The following EXOC4 variants were observed in gnomAD, a reference collection of about 807,000 sequenced individuals.
EXOC4 encodes the protein SEC8-like 1.
A neutral mutation model predicts 107.2 loss-of-function variants in EXOC4; 71 were observed. The observed-to-expected ratio is 0.66, with a 90% CI of 0.55 to 0.81. The LOEUF (loss-of-function observed/expected upper bound fraction) is 0.81, where lower values mean the gene tolerates loss of function less well. EXOC4 is among the 30% of genes least tolerant of loss of function. The pLI, the probability that EXOC4 is intolerant of heterozygous loss-of-function variation, is 0.00. For synonymous variants in EXOC4, 456 were observed against 441.2 expected (o/e 1.03, Z -0.42); for missense variants, 1,108 against 1,189.6 (o/e 0.93, Z 1.01).
At chr7:133,358,274 G>T (rs1009758229) in intron 6 of EXOC4, among the ~76,000 whole-genome samples, 18 of 152,108 alleles carry the variant, frequency 1.2e-4, no homozygotes, top group Admixed American at 1.1e-3. Flanking sequence ...TTGGAGAACA[G>T]ACCTGACTTT....
intron 10 of EXOC4, among the ~76,000 whole-genome samples, chr7:133,769,004 G>GT (rs529709666): frequency 1.3e-5 from 2 of 151,966 alleles, no homozygotes; most frequent in Non-Finnish European, 2.9e-5. Context: ...CCTATGTGCC[G>GT]TTAACGTGCA....
chr7:133,300,047 T>C (rs1220112799), intron 3 of EXOC4, among the ~76,000 whole-genome samples: 1 of 152,160 alleles, frequency 6.6e-6, no homozygotes, highest in African/African-American at 2.4e-5. Context: ...AACATCCTTT[T>C]TTTAATGGTG....
rs376859558 is a variant in EXOC4 at position 134,014,355 on chromosome 7, A to G, written c.2687+6520A>G. Among the ~76,000 whole-genome samples the G allele has an allele frequency of 5.3e-4, 81 of 152,336 alleles. 1 individual carries two copies. The South Asian group carries it at 0.013, about 25-fold the overall frequency. ...GAGGCAGAGCTTGCAGTCAGCCGAG[A>G]TCGTGCCACTGCACTCCAGCCTGGG... On this transcript the variant is annotated intron_variant, in intron 17 of 17. Transcript: ENST00000253861.
chr7:133,908,766 T>C (rs966948620), intron 12 of EXOC4, among the ~76,000 whole-genome samples: 1 of 152,252 alleles, frequency 6.6e-6, no homozygotes, highest in African/African-American at 2.4e-5. Context: ...TGTTTTGTAT[T>C]ATTGACTTTT....
At chr7:133,705,873 C>A (rs777482356) in intron 10 of EXOC4, among the ~76,000 whole-genome samples, 1 of 152,148 alleles carries the variant, frequency 6.6e-6, no homozygotes, top group Non-Finnish European at 1.5e-5. Context: ...TTGTTTATTT[C>A]TGAAATTTTT....
In EXOC4 at chr7:133,903,609, A is replaced by AT. The variant is rs1799503836; in HGVS notation, c.1871+7874_1871+7875insT. On this transcript the variant is annotated intron_variant, in intron 12 of 17. Coordinates refer to ENST00000253861, the MANE Select transcript of EXOC4 (RefSeq NM_021807.4). Reference sequence around the variant, plus strand: ...GAGGATGCTGCAGGTCTAGGCAAGCAGATCAGTGCTTAAATTTAGAGTGTC... The same window carrying AT: ...GAGGATGCTGCAGGTCTAGGCAAGCATGATCAGTGCTTAAATTTAGAGTGTC... Among the ~76,000 whole-genome samples the AT allele has an allele frequency of 2.0e-5, 3 of 152,380 alleles. No homozygotes were observed. In the South Asian group the frequency reaches 6.2e-4, roughly 32 times the overall value.
intron 7 of EXOC4, among the ~76,000 whole-genome samples, chr7:133,392,513 A>G (rs1020132761): frequency 2.0e-5 from 3 of 152,138 alleles, no homozygotes; most frequent in African/African-American, 7.2e-5. Flanking sequence ...TAGTAACCTA[A>G]CAGGGCTGCA....
At chr7:133,291,823 A>C (rs1489647506) in intron 3 of EXOC4, among the ~76,000 whole-genome samples, 1 of 152,034 alleles carries the variant, frequency 6.6e-6, no homozygotes, top group Admixed American at 6.5e-5. Context: ...TCTTTCTTCT[A>C]TATAGTCTGT....
chr7:133,903,952 T>C (rs1402037048), intron 12 of EXOC4, among the ~76,000 whole-genome samples: 1 of 152,140 alleles, frequency 6.6e-6, no homozygotes, highest in Non-Finnish European at 1.5e-5. Context: ...GACTGAGTGA[T>C]AAATGTAGCA....
intron 5 of EXOC4, among the ~76,000 whole-genome samples, chr7:133,332,002 A>G (rs1795406240): frequency 6.6e-6 from 1 of 152,316 alleles, no homozygotes; most frequent in African/African-American, 2.4e-5. Flanking sequence ...AGAAAAGCCA[A>G]TAATTGTAGT....
At position 134,019,415 on chromosome 7, in the gene EXOC4, G is replaced by GTGATGATGACGATGA. The variant is rs1554436014; in HGVS notation, c.2687+11589_2687+11590insCGATGATGATGATGA. ...GGCCTATATTGGTGACTTTCTCTCA[G>GTGATGATGACGATGA]TGATGATGATGATGATGATGATGAT... On this transcript the variant is annotated intron_variant, in intron 17 of 17. Transcript: ENST00000253861. Among the ~76,000 whole-genome samples, 4 of 148,646 alleles carry GTGATGATGACGATGA rather than the reference G, an allele frequency of 2.7e-5. No individual in the cohort carries two copies. The Admixed American group carries it at 2.7e-4, about 10-fold the overall frequency.
intron 6 of EXOC4, among the ~76,000 whole-genome samples, chr7:133,362,322 A>G (rs534526998): frequency 1.8e-4 from 27 of 152,292 alleles, no homozygotes; most frequent in South Asian, 1.7e-3. Flanking sequence ...GACACATACT[A>G]TACTGTATTG....
intron 10 of EXOC4, among the ~76,000 whole-genome samples, chr7:133,807,913 A>G (rs746741674): frequency 3.5e-4 from 53 of 152,338 alleles, no homozygotes; most frequent in Non-Finnish European, 5.3e-4. Flanking sequence ...ATCACTTGCA[A>G]TATACTCATG....
At chr7:133,254,464 G>C (rs1338166247) in intron 1 of EXOC4, among the ~76,000 whole-genome samples, 1 of 152,074 alleles carries the variant, frequency 6.6e-6, no homozygotes, top group Non-Finnish European at 1.5e-5. Context: ...AATGTTTGTT[G>C]TTTCCCATCT....
In EXOC4 at chr7:133,892,732, G is replaced by A. The variant is rs1369271907; in HGVS notation, c.1735-2867G>A. On this transcript the variant is annotated intron_variant, in intron 11 of 17. Transcript: ENST00000253861. ...TTGTTCAGTTTCCATGTAGTTGAGC[G>A]GCTTTGAGTGAGAGTCTTAATCCTG... is the stretch of plus-strand genomic sequence containing the variant. Among the ~76,000 whole-genome samples, 381 of 111,608 alleles carry A rather than the reference G, an allele frequency of 3.4e-3. 3 individuals carry two copies. The highest frequency in any genetic ancestry group is 0.017 in the African/African-American group (355 of 20,892). 73.2% of individuals were successfully genotyped at this position (111,608 alleles called of 152,430 possible).
At chr7:133,425,573 C>T (rs1797706051) in intron 7 of EXOC4, among the ~76,000 whole-genome samples, 2 of 152,136 alleles carry the variant, frequency 1.3e-5, no homozygotes, top group African/African-American at 4.8e-5. Flanking sequence ...AGGCGTGAGC[C>T]ACCACGTCTG....
At chr7:133,995,787 G>A (rs910600322) in intron 14 of EXOC4, among the ~76,000 whole-genome samples, 13 of 152,136 alleles carry the variant, frequency 8.5e-5, no homozygotes, top group Non-Finnish European at 1.5e-4. Context: ...TTACATGTTA[G>A]AAGCCTGGAT....
intron 9 of EXOC4, among the ~76,000 whole-genome samples, chr7:133,516,248 A>G (rs1040505625): frequency 6.6e-5 from 10 of 152,208 alleles, no homozygotes; most frequent in Non-Finnish European, 1.5e-4. Flanking sequence ...TGTATAATTT[A>G]GTGGTTTTTA....
intron 11 of EXOC4, among the ~76,000 whole-genome samples, chr7:133,824,628 A>G (rs1406116822): frequency 6.6e-6 from 1 of 152,156 alleles, no homozygotes; most frequent in African/African-American, 2.4e-5. Flanking sequence ...CCTTAAAACA[A>G]CACAAATGTA....
Sources: gnomAD v4.1 joint callset for allele counts (sites outside exome capture counted in the v4.1 genomes callset) on GRCh38, gnomAD v4.1.1 for gene constraint, MANE v1.5 for transcripts, NCBI Gene and HGNC (gene_info 2026-07-23, HGNC 2026-07-21) for gene names.